CYTH4: variants seen among roughly 807,000 people sequenced by gnomAD.
CYTH4 encodes cytohesin-4.
Under a neutral mutation model 57.5 loss-of-function variants are expected in CYTH4, and 22 were observed. The observed-to-expected ratio is 0.38, with a 90% CI of 0.27 to 0.55. The LOEUF (loss-of-function observed/expected upper bound fraction) is 0.55, where lower values mean the gene tolerates loss of function less well. Ranked by LOEUF, CYTH4 falls within the 20% of genes least tolerant of loss-of-function variation. CYTH4 has a pLI of 0.74. For missense variants in CYTH4, 420 were observed against 535.6 expected, an observed-to-expected ratio of 0.78 and a Z score of 2.13; for synonymous variants, 186 against 206.5, an observed-to-expected ratio of 0.90 and a Z score of 0.85.
intron 8 of CYTH4, among the ~76,000 whole-genome samples, chr22:37,306,997 C>T (rs956159574): frequency 2.6e-5 from 4 of 152,212 alleles, no homozygotes; most frequent in Admixed American, 2.6e-4. Context: ...GTCAACCCTG[C>T]CAAGTGACCT....
At chr22:37,292,811 C>T (rs2145857629) in intron 2 of CYTH4, 108 bp downstream of exon 2, 1 of 1,131,632 alleles carries the variant, frequency 8.8e-7, no homozygotes, top group Non-Finnish European at 1.3e-6. Context: ...GTGTGGCCAA[C>T]TCTGGCTCAT....
intron 9 of CYTH4, chr22:37,309,912 G>T (rs1929574809): frequency 2.4e-6 from 1 of 422,682 alleles, no homozygotes; most frequent in African/African-American, 2.0e-5. Flanking sequence ...TGCAGTAATA[G>T]TGGCTGTAGA....
chr22:37,300,870 AC>A, intron 6 of CYTH4, 36 bp from the exon 7 acceptor site: 1 of 1,582,194 alleles, frequency 6.3e-7, no homozygotes, highest in Non-Finnish European at 8.7e-7. Context: ...GCGAGGGCCC[AC>A]CCACTCCACT....
intron 2 of CYTH4, among the ~76,000 whole-genome samples, chr22:37,293,252 T>A (rs1928816139): frequency 1.3e-5 from 2 of 152,142 alleles, no homozygotes; most frequent in African/African-American, 4.8e-5. Context: ...CCCATGCACA[T>A]AAACTTAGGA....
At chr22:37,301,277 G>C (rs1300035440) in intron 7 of CYTH4, among the ~76,000 whole-genome samples, 1 of 152,200 alleles carries the variant, frequency 6.6e-6, no homozygotes, top group African/African-American at 2.4e-5. Flanking sequence ...ACCCCTTTCT[G>C]AGGGCAGGAG....
chr22:37,284,913 G>A (rs371831672), intron 1 of CYTH4, among the ~76,000 whole-genome samples: 244 of 151,610 alleles, frequency 1.6e-3, no homozygotes, highest in African/African-American at 5.5e-3. Flanking sequence ...GACAGGCAGC[G>A]CAGTTAAAAA....
At position 37,292,839 on chromosome 22, in the gene CYTH4, C is replaced by T. The variant is rs56209181; in HGVS notation, c.102+136C>T. On this transcript the variant is annotated intron_variant, in intron 2 of 12. Coordinates refer to ENST00000248901, the MANE Select transcript of CYTH4 (RefSeq NM_013385.5). ...TGGCTCATATCAGCCTCGGCCCCAGCCCCAGGAGCAGGGAGAACAACAAGA... is the reference window on the plus strand; with the variant it reads ...TGGCTCATATCAGCCTCGGCCCCAGTCCCAGGAGCAGGGAGAACAACAAGA... The T allele has an allele frequency of 1.2e-3, 935 of 770,882 alleles. 1 individual carries two copies. The highest frequency in any genetic ancestry group is 1.7e-3 in the Non-Finnish European group (811 of 490,474). The allele number at this position is 770,882 out of a possible 1,614,324, so 47.8% of individuals were successfully genotyped here.
Position 37,292,634 on chromosome 22 carries a change from G to A in CYTH4, c.33G>A (p.Leu11=). 1 of 1,613,936 alleles carries A rather than the reference G, an allele frequency of 6.2e-7. No individual in the cohort carries two copies. The highest frequency in any genetic ancestry group is 8.5e-7 in the Non-Finnish European group (1 of 1,179,964). Reference sequence around the variant, plus strand: ...GTCTCTCTGTAGAGCCCGCGGAGCTGAGCAGCGGGGAGACGGAAGAGTTAC... The same window carrying A: ...GTCTCTCTGTAGAGCCCGCGGAGCTAAGCAGCGGGGAGACGGAAGAGTTAC... MDLCHPEPAE[L]SSGETEELQR... The change falls in exon 2 of 13, where the codon CTG becomes CTA. Residue 11 remains leucine, a synonymous_variant. Transcript: ENST00000248901.
intron 4 of CYTH4, 24 bp downstream of exon 4, chr22:37,296,089 G>A (rs1406595088): frequency 1.2e-6 from 2 of 1,607,252 alleles, no homozygotes; most frequent in South Asian, 2.2e-5. Context: ...GAGGGCCCGG[G>A]CCACAGGGTG....
At chr22:37,308,579 A>C (rs1457972858) in intron 8 of CYTH4, among the ~76,000 whole-genome samples, 1 of 148,426 alleles carries the variant, frequency 6.7e-6, no homozygotes, top group African/African-American at 2.5e-5. Context: ...TGTATGTGTG[A>C]GCGTGTATAT....
At chr22:37,308,271 G>C (rs1929473710) in intron 8 of CYTH4, among the ~76,000 whole-genome samples, 1 of 152,232 alleles carries the variant, frequency 6.6e-6, no homozygotes, top group Admixed American at 6.5e-5. Context: ...CAAGGTTGCT[G>C]TGCCCCAGAG....
At position 37,314,208 on chromosome 22, in the gene CYTH4, C is replaced by G. The variant is rs1243335812; in HGVS notation, c.*697C>G. ...TGTTTGGACTAGAAACGTATTGGCC[C>G]CTGCTAGCCCTGTGCTCCAGCTTCC... On this transcript the variant is annotated 3_prime_UTR_variant, in exon 13 of 13. Transcript: ENST00000248901. 2.5e-6 allele frequency: 1 copy of G among 397,092 alleles called. No individual in the cohort carries two copies. Among genetic ancestry groups the G allele is most frequent in the Non-Finnish European group, 4.4e-6 (1 of 225,576 alleles). The allele number at this position is 397,092 out of a possible 1,614,324, so 24.6% of individuals were successfully genotyped here. A position where few individuals can be genotyped will look rare whatever the true frequency, so the allele number is the denominator to read the frequency against.
chr22:37,313,550 A>T lies in CYTH4; in HGVS notation c.*39A>T, dbSNP rs755593226. 6.3e-7 allele frequency: 1 copy of T among 1,596,758 alleles called. No individual in the cohort carries two copies. The highest frequency in any genetic ancestry group is 8.6e-7 in the Non-Finnish European group (1 of 1,164,342). Reference sequence around the variant, plus strand: ...GGCACTGGGGGCTGGTCACCCTGAGAGTCCCATCGCCTGCAGCACCTGGAG... The same window carrying T: ...GGCACTGGGGGCTGGTCACCCTGAGTGTCCCATCGCCTGCAGCACCTGGAG... On this transcript the variant is annotated 3_prime_UTR_variant, in exon 13 of 13. Coordinates refer to ENST00000248901, the MANE Select transcript of CYTH4 (RefSeq NM_013385.5).
intron 4 of CYTH4, 34 bp downstream of exon 4, chr22:37,296,099 G>A: frequency 1.2e-6 from 2 of 1,601,310 alleles, no homozygotes; most frequent in South Asian, 2.2e-5. Context: ...GCCACAGGGT[G>A]TGGGGGCTGC....
Position 37,311,892 on chromosome 22 carries a change from C to T in CYTH4, c.958-128C>T. Reference sequence around the variant, plus strand: ...GTGCTCAGTGTGGGAGCAGCAGCTCCTGCCCCTTCGCCTGTCGTAGGGCTG... The same window carrying T: ...GTGCTCAGTGTGGGAGCAGCAGCTCTTGCCCCTTCGCCTGTCGTAGGGCTG... On this transcript the variant is annotated intron_variant, in intron 11 of 12. Coordinates refer to ENST00000248901, the MANE Select transcript of CYTH4 (RefSeq NM_013385.5). The surrounding 1 kb of genome is among the most constrained non-coding windows in gnomAD (Gnocchi z 4.4). The T allele has an allele frequency of 8.2e-7, 1 of 1,212,652 alleles. No homozygotes were observed. The highest frequency in any genetic ancestry group is 2.5e-5 in the East Asian group (1 of 40,282). 75.1% of individuals were successfully genotyped at this position (1,212,652 alleles called of 1,614,324 possible). A position where few individuals can be genotyped will look rare whatever the true frequency, so the allele number is the denominator to read the frequency against.
chr22:37,285,350 TGTGGTG>T lies in CYTH4; in HGVS notation c.19+2780_19+2785del, dbSNP rs147807027. 8.8e-4 allele frequency among the ~76,000 whole-genome samples: 134 copies of T among 151,494 alleles called. 2 individuals carry two copies. In the East Asian group the frequency reaches 0.022, roughly 25 times the overall value. ...AGATAAGTGAGAAGGAAACGGGGTGTGTGGTGGTGGTGGTGGTGGTGGTAATTTTAT... is the reference window on the plus strand; with the variant it reads ...AGATAAGTGAGAAGGAAACGGGGTGTGTGGTGGTGGTGGTGGTAATTTTAT... On this transcript the variant is annotated intron_variant, in intron 1 of 12. Coordinates refer to ENST00000248901, the MANE Select transcript of CYTH4 (RefSeq NM_013385.5).
intron 1 of CYTH4, among the ~76,000 whole-genome samples, chr22:37,288,453 G>A (rs374822034): frequency 6.6e-6 from 1 of 152,164 alleles, no homozygotes; most frequent in African/African-American, 2.4e-5. Flanking sequence ...GGGCATGGTG[G>A]TGCATGCCTG....
At chr22:37,300,090 A>G in intron 6 of CYTH4, 1 of 717,574 alleles carries the variant, frequency 1.4e-6, no homozygotes, top group Non-Finnish European at 2.6e-6. Flanking sequence ...ACTAAATGGG[A>G]AAGTGTTTAA....
rs532739022 is a variant in CYTH4, at chr22:37,308,876, G to A, written c.697-336G>A. Among the ~76,000 whole-genome samples, 8 of 152,152 alleles carry A rather than the reference G, an allele frequency of 5.3e-5. No homozygotes were observed. The East Asian group carries it at 9.6e-4, about 18-fold the overall frequency. On this transcript the variant is annotated intron_variant, in intron 8 of 12. Coordinates refer to ENST00000248901, the MANE Select transcript of CYTH4 (RefSeq NM_013385.5). ...TGTGTGAACGTGCATACATGTGCGTGTGTGTGCACGTGTGTGTGTGTAAGC... is the reference window on the plus strand; with the variant it reads ...TGTGTGAACGTGCATACATGTGCGTATGTGTGCACGTGTGTGTGTGTAAGC...
Sources: gnomAD v4.1 joint callset for allele counts (sites outside exome capture counted in the v4.1 genomes callset) on GRCh38, gnomAD v4.1.1 for gene constraint, Gnocchi (gnomAD v3.1) non-coding constraint, MANE v1.5 for transcripts, NCBI Gene and HGNC (gene_info 2026-07-23, HGNC 2026-07-21) for gene names.